The following BCKDHB variants were observed in gnomAD, a reference collection of about 807,000 sequenced individuals.
BCKDHB encodes 2-oxoisovalerate dehydrogenase subunit beta, mitochondrial.
BCKDHB carries 41 observed loss-of-function variants against 48.5 expected under a neutral mutation model. The observed-to-expected ratio is 0.85, with a 90% CI of 0.66 to 1.10. The LOEUF is 1.10. BCKDHB is among the 50% of genes least tolerant of loss of function. BCKDHB has a pLI of 0.00. For synonymous variants in BCKDHB, 201 were observed against 174.8 expected (o/e 1.15, Z -1.18); for missense variants, 496 against 494.2 (o/e 1.00, Z -0.03).
At chr6:80,301,010 C>T (rs749598716) in intron 9 of BCKDHB, among the ~76,000 whole-genome samples, 9 of 151,846 alleles carry the variant, frequency 5.9e-5, no homozygotes, top group Non-Finnish European at 1.3e-4. Context: ...ACACAATTTA[C>T]CAAAATCTCT....
At position 80,310,964 on chromosome 6, in the gene BCKDHB, A is replaced by C. The variant is rs1333195526; in HGVS notation, c.1039-32700A>C. On this transcript the variant is annotated intron_variant, in intron 9 of 9. Coordinates refer to ENST00000320393, the MANE Select transcript of BCKDHB (RefSeq NM_183050.4). ...TAATGAGGTTCTTTTTTTCTTGTAA[A>C]TTTGTTTAAGTTCCTTATAAATGCT... Among the ~76,000 whole-genome samples, 4 of 151,932 alleles carry C rather than the reference A, an allele frequency of 2.6e-5. No homozygotes were observed. The East Asian group carries it at 7.7e-4, about 29-fold the overall frequency.
At chr6:80,212,687 T>A (rs1018693157) in intron 8 of BCKDHB, among the ~76,000 whole-genome samples, 3 of 152,206 alleles carry the variant, frequency 2.0e-5, no homozygotes, top group Non-Finnish European at 4.4e-5. Flanking sequence ...TATAAAAGTA[T>A]TATTTGGGAA....
chr6:80,320,107 C>T (rs912767574), intron 9 of BCKDHB, among the ~76,000 whole-genome samples: 110 of 152,082 alleles, frequency 7.2e-4, no homozygotes, highest in African/African-American at 2.6e-3. Context: ...GTTATTTTTC[C>T]TACCAAGTTA....
chr6:80,121,224 C>T (rs1010096734), intron 1 of BCKDHB, among the ~76,000 whole-genome samples: 3 of 151,738 alleles, frequency 2.0e-5, no homozygotes, highest in Non-Finnish European at 4.4e-5. Context: ...TGATCTATAT[C>T]TCTGTTTTGG....
the BCKDHB span, among the ~76,000 whole-genome samples, chr6:80,461,775 T>C: frequency 1.3e-5 from 2 of 152,198 alleles, no homozygotes; most frequent in African/African-American, 4.8e-5. Context: ...TGGAATAATC[T>C]CTTTGTTGGT....
the BCKDHB span, among the ~76,000 whole-genome samples, chr6:80,459,473 T>C: frequency 6.6e-6 from 1 of 152,088 alleles, no homozygotes; most frequent in Non-Finnish European, 1.5e-5. Flanking sequence ...TACCAAGGAC[T>C]GGTGGTGGAG....
chr6:80,115,259 T>A (rs1769626730), intron 1 of BCKDHB, among the ~76,000 whole-genome samples: 1 of 152,148 alleles, frequency 6.6e-6, no homozygotes, highest in Non-Finnish European at 1.5e-5. Context: ...GTGATCCTCC[T>A]GCCTCAGCCT....
intron 9 of BCKDHB, among the ~76,000 whole-genome samples, chr6:80,315,668 G>A (rs1490914413): frequency 6.6e-6 from 1 of 151,214 alleles, no homozygotes; most frequent in East Asian, 1.9e-4. Flanking sequence ...TCCCAGGTTT[G>A]AATGCAGTGG....
intron 8 of BCKDHB, among the ~76,000 whole-genome samples, chr6:80,215,527 T>C (rs1261293365): frequency 6.6e-6 from 1 of 152,226 alleles, no homozygotes; most frequent in Non-Finnish European, 1.5e-5. Context: ...TAGAATATAG[T>C]AGATGCTCAG....
At chr6:80,128,872 CTGTGTGTGTG>C (rs60116640) in intron 2 of BCKDHB, among the ~76,000 whole-genome samples, 50 of 147,522 alleles carry the variant, frequency 3.4e-4, no homozygotes, top group South Asian at 3.0e-3. Flanking sequence ...GTTGTCTCAA[CTGTGTGTGTG>C]TGTGTGTGTG....
intron 8 of BCKDHB, among the ~76,000 whole-genome samples, chr6:80,262,480 G>A (rs994642123): frequency 6.6e-6 from 1 of 152,050 alleles, no homozygotes; most frequent in Non-Finnish European, 1.5e-5. Context: ...TCAGGGATTT[G>A]AACATTTAGT....
chr6:80,255,951 G>A (rs1303685504), intron 8 of BCKDHB, among the ~76,000 whole-genome samples: 2 of 152,142 alleles, frequency 1.3e-5, no homozygotes, highest in Non-Finnish European at 2.9e-5. Context: ...TGGCCTGACT[G>A]TACCATTAGC....
chr6:80,347,520 C>T (rs9359414), downstream of BCKDHB, among the ~76,000 whole-genome samples: 31,296 of 152,068 alleles, frequency 0.21, 3,736 homozygotes, highest in South Asian at 0.37. Flanking sequence ...GTTAAACATA[C>T]TGATTTTAGT....
the BCKDHB span, among the ~76,000 whole-genome samples, chr6:80,364,491 A>G: frequency 3.8e-4 from 58 of 152,316 alleles, no homozygotes; most frequent in East Asian, 9.4e-3. Context: ...GGACAGCCCT[A>G]CTTTCTGATG....
chr6:80,456,550 T>C, the BCKDHB span, among the ~76,000 whole-genome samples: 1 of 152,320 alleles, frequency 6.6e-6, no homozygotes, highest in East Asian at 1.9e-4. Flanking sequence ...CTCCATCACT[T>C]ACCAGAAAAC....
chr6:80,327,878 TCCCTCCCCTTTTC>T (rs977667528), intron 9 of BCKDHB, among the ~76,000 whole-genome samples: 10 of 151,502 alleles, frequency 6.6e-5, no homozygotes, highest in Non-Finnish European at 1.3e-4. Context: ...TTCTCTTTTT[TCCCTCCCCTTTTC>T]CCCTCCCCTT....
At chr6:80,141,913 A>G (rs1771235653) in intron 3 of BCKDHB, among the ~76,000 whole-genome samples, 1 of 152,112 alleles carries the variant, frequency 6.6e-6, no homozygotes, top group Non-Finnish European at 1.5e-5. Flanking sequence ...TAGTCTTCTG[A>G]AAATTCTCTT....
In BCKDHB at chr6:80,345,204, A is replaced by G. The variant is rs957074208; in HGVS notation, c.*1400A>G. On this transcript the variant is annotated 3_prime_UTR_variant, in exon 10 of 10. Transcript: ENST00000320393. The stretch of plus-strand genomic sequence containing the variant: ...TCAGAGTTTTAATATAGAAGTTACT[A>G]GCACTGACACACTGATTTTGAAATG... 2.0e-5 allele frequency: 3 copies of G among 152,236 alleles called. No individual in the cohort carries two copies. The highest frequency in any genetic ancestry group is 7.2e-5 in the African/African-American group (3 of 41,458). The allele number at this position is 152,236 out of a possible 1,614,324, so 9.4% of individuals were successfully genotyped here.
intron 8 of BCKDHB, among the ~76,000 whole-genome samples, chr6:80,253,731 A>G (rs1482090840): frequency 1.3e-5 from 2 of 152,262 alleles, no homozygotes; most frequent in Non-Finnish European, 2.9e-5. Context: ...CCCCAAAGTC[A>G]TAGCTATATT....
Sources: allele counts gnomAD v4.1 joint callset (sites outside exome capture counted in the v4.1 genomes callset), GRCh38; gene constraint gnomAD v4.1.1; transcripts MANE v1.5; gene names NCBI Gene and HGNC (gene_info 2026-07-23, HGNC 2026-07-21).